Variants in IL6R observed in about 807,000 individuals in gnomAD.
IL6R encodes interleukin-6 receptor subunit alpha.
IL6R carries 38 observed loss-of-function variants against 48.3 expected under a neutral mutation model. The observed-to-expected ratio is 0.79, with a 90% CI of 0.61 to 1.03. The LOEUF is 1.03. IL6R is among the 50% of genes least tolerant of loss of function. The pLI, the probability that IL6R is intolerant of heterozygous loss-of-function variation, is 0.00. For missense variants in IL6R, 534 were observed against 618.3 expected, an observed-to-expected ratio of 0.86 and a Z score of 1.45; for synonymous variants, 264 against 256.2, an observed-to-expected ratio of 1.03 and a Z score of -0.29.
At chr1:154,426,013 T>A (rs1688942143) in intron 1 of IL6R, among the ~76,000 whole-genome samples, 2 of 150,596 alleles carry the variant, frequency 1.3e-5, no homozygotes, top group African/African-American at 2.4e-5. Context: ...AGTTTGAGGT[T>A]GCAAAAAGCT....
Position 154,433,144 on chromosome 1 carries a change from T to C in IL6R, c.459-1375T>C, listed in dbSNP as rs192987167. Among the ~76,000 whole-genome samples, 19 of 151,830 alleles carry C rather than the reference T, an allele frequency of 1.3e-4. No individual in the cohort carries two copies. The East Asian group carries it at 3.5e-3, about 28-fold the overall frequency. ...CTTCGTGGCTGGGTGGAAGCCTGGG[T>C]GGTGTTGGGGGAAGGAGGAAAGGGG... is the stretch of plus-strand genomic sequence containing the variant. On this transcript the variant is annotated intron_variant, in intron 3 of 9. Coordinates refer to ENST00000368485, the MANE Select transcript of IL6R (RefSeq NM_000565.4).
At chr1:154,412,196 C>T (rs183860721) in intron 1 of IL6R, among the ~76,000 whole-genome samples, 81 of 151,736 alleles carry the variant, frequency 5.3e-4, no homozygotes, top group African/African-American at 1.9e-3. Context: ...ATCTGCCCAC[C>T]TCGTCCTCTC....
At chr1:154,464,991 C>A in intron 9 of IL6R, 143 bp from the exon 10 acceptor site, 2 of 862,976 alleles carry the variant, frequency 2.3e-6, no homozygotes, top group Non-Finnish European at 3.8e-6. Flanking sequence ...AACAAAAAGA[C>A]AGCTGATAGT....
intron 6 of IL6R, among the ~76,000 whole-genome samples, chr1:154,437,990 A>T (rs763563523): frequency 5.9e-5 from 9 of 151,628 alleles, no homozygotes; most frequent in Non-Finnish European, 1.3e-4. Flanking sequence ...CTGGGATTAC[A>T]GGTGTGAGCC....
intron 6 of IL6R, among the ~76,000 whole-genome samples, chr1:154,441,665 T>C (rs1416139348): frequency 6.6e-6 from 1 of 152,120 alleles, no homozygotes; most frequent in Non-Finnish European, 1.5e-5. Context: ...GTTATTTGGC[T>C]GTTAGGGACG....
Position 154,449,981 on chromosome 1 carries a change from G to GTAAGGA in IL6R, c.1066+2_1066+7dup. 2 of 1,582,042 alleles carry GTAAGGA rather than the reference G, an allele frequency of 1.3e-6. No homozygotes were observed. ...TCTGCAAATGCGACAAGCCTCCCAG[G>GTAAGGA]TAAGGACTGGGTATTTTCATATTCC... is the stretch of plus-strand genomic sequence containing the variant. On this transcript the variant is annotated splice_donor_variant, in intron 8 of 9. Transcript: ENST00000368485. LOFTEE classifies it high-confidence loss of function.
intron 3 of IL6R, among the ~76,000 whole-genome samples, chr1:154,434,018 C>T (rs1011535601): frequency 2.0e-5 from 3 of 151,962 alleles, no homozygotes; most frequent in South Asian, 2.1e-4. Flanking sequence ...TGAGCCACCG[C>T]GCCCGGCCTT....
intron 6 of IL6R, among the ~76,000 whole-genome samples, chr1:154,440,269 G>A (rs1022851754): frequency 2.4e-4 from 36 of 152,152 alleles, no homozygotes; most frequent in African/African-American, 7.7e-4. Context: ...ATATTCCATT[G>A]TGTAGAGATA....
intron 6 of IL6R, among the ~76,000 whole-genome samples, chr1:154,445,402 AG>A (rs1690162210): frequency 1.3e-5 from 2 of 152,154 alleles, no homozygotes; most frequent in South Asian, 4.1e-4. Context: ...GACTGAGAGT[AG>A]AAACTTTCTT....
At chr1:154,407,538 C>T (rs1350970129) in intron 1 of IL6R, among the ~76,000 whole-genome samples, 1 of 152,180 alleles carries the variant, frequency 6.6e-6, no homozygotes. Flanking sequence ...GCCCCTCTCC[C>T]ACACCCACAC....
intron 1 of IL6R, among the ~76,000 whole-genome samples, chr1:154,425,367 T>C (rs1209822852): frequency 1.3e-5 from 2 of 152,170 alleles, no homozygotes; most frequent in Non-Finnish European, 2.9e-5. Context: ...CTCTTTGATA[T>C]GGCAAAACAA....
At chr1:154,414,021 C>T (rs1688189983) in intron 1 of IL6R, among the ~76,000 whole-genome samples, 1 of 151,944 alleles carries the variant, frequency 6.6e-6, no homozygotes, top group Non-Finnish European at 1.5e-5. Context: ...CCACACTTGA[C>T]TAGCCTTTGT....
At position 154,467,787 on chromosome 1, in the gene IL6R, G is replaced by A. The variant is rs533380847; in HGVS notation, c.*2407G>A. The A allele has an allele frequency of 1.3e-4, 20 of 152,288 alleles. No individual in the cohort carries two copies. The highest frequency in any genetic ancestry group is 4.6e-4 in the African/African-American group (19 of 41,562). 9.4% of individuals were successfully genotyped at this position (152,288 alleles called of 1,614,324 possible). ...AAAAAGGCAGGCAGGCGGTTATGGTGGTTCCCTCCCATCCCACCACATAAA... is the reference window on the plus strand; with the variant it reads ...AAAAAGGCAGGCAGGCGGTTATGGTAGTTCCCTCCCATCCCACCACATAAA... On this transcript the variant is annotated 3_prime_UTR_variant, in exon 10 of 10. Coordinates refer to ENST00000368485, the MANE Select transcript of IL6R (RefSeq NM_000565.4).
chr1:154,449,770 T>C lies in IL6R; in HGVS notation c.997-141T>C, dbSNP rs116162415. 2,107 of 662,374 alleles carry C rather than the reference T, an allele frequency of 3.2e-3. 38 individuals are homozygous for C. The African/African-American group carries it at 0.034, about 11-fold the overall frequency. 41.0% of individuals were successfully genotyped at this position (662,374 alleles called of 1,614,324 possible). ...TGCAAATAATAGTATTATTGATTTT[T>C]CCACTGTTATGAATGAAATGGAGAA... On this transcript the variant is annotated intron_variant, in intron 7 of 9. Transcript: ENST00000368485.
chr1:154,450,555 A>G (rs1024783535), intron 8 of IL6R, among the ~76,000 whole-genome samples: 7 of 152,256 alleles, frequency 4.6e-5, no homozygotes, highest in African/African-American at 1.4e-4. Context: ...CAGTTGGCCC[A>G]CAATACAAAT....
At chr1:154,430,258 C>T (rs906163080) in intron 2 of IL6R, among the ~76,000 whole-genome samples, 1 of 152,186 alleles carries the variant, frequency 6.6e-6, no homozygotes, top group African/African-American at 2.4e-5. Flanking sequence ...TCCCCTGTCC[C>T]GGATCCGTGT....
At chr1:154,431,529 A>T (rs529316195) in intron 3 of IL6R, among the ~76,000 whole-genome samples, 67 of 152,344 alleles carry the variant, frequency 4.4e-4, no homozygotes, top group African/African-American at 1.6e-3. Flanking sequence ...TAAAAATAGC[A>T]TAGAACAGTG....
chr1:154,423,163 G>A (rs1465861256), intron 1 of IL6R, among the ~76,000 whole-genome samples: 1 of 150,258 alleles, frequency 6.7e-6, no homozygotes, highest in Non-Finnish European at 1.5e-5. Flanking sequence ...CTCATCCCCC[G>A]ACATCCCTCA....
intron 1 of IL6R, among the ~76,000 whole-genome samples, chr1:154,412,760 C>T (rs1403602796): frequency 1.3e-5 from 2 of 151,832 alleles, no homozygotes; most frequent in African/African-American, 4.8e-5. Flanking sequence ...TTTGAAGTAC[C>T]TATGGTTATT....
Sources: allele counts gnomAD v4.1 joint callset (sites outside exome capture counted in the v4.1 genomes callset), GRCh38; gene constraint gnomAD v4.1.1; transcripts MANE v1.5; gene names NCBI Gene and HGNC (gene_info 2026-07-23, HGNC 2026-07-21).